The following IGSF21 variants were observed in gnomAD, a reference collection of about 807,000 sequenced individuals.
IGSF21 encodes the protein immunoglobin superfamily member 21.
In IGSF21, 28 loss-of-function variants were observed where a neutral mutation model predicts 46.8. The ratio of observed to expected loss-of-function variants is 0.60; its 90% confidence interval spans 0.44 to 0.82. The LOEUF (loss-of-function observed/expected upper bound fraction) is 0.82, where lower values mean the gene tolerates loss of function less well. Among genes scored for constraint, IGSF21 ranks in the 40% least tolerant of loss-of-function variants. IGSF21 has a pLI of 0.00. For missense variants in IGSF21, 624 were observed against 665.5 expected (o/e 0.94, Z 0.69); for synonymous variants, 284 against 273.6 (o/e 1.04, Z -0.38).
intron 2 of IGSF21, among the ~76,000 whole-genome samples, chr1:18,279,971 C>T (rs894845233): frequency 6.6e-6 from 1 of 152,320 alleles, no homozygotes; most frequent in Admixed American, 6.5e-5. Context: ...GGGCCCTCTC[C>T]GAGGACTGGC....
chr1:18,161,951 A>T (rs2086629830), intron 1 of IGSF21, among the ~76,000 whole-genome samples: 1 of 152,058 alleles, frequency 6.6e-6, no homozygotes, highest in African/African-American at 2.4e-5. Context: ...GGATCATCAT[A>T]CCCTTCCTAT....
At chr1:18,128,039 G>T (rs966869508) in intron 1 of IGSF21, among the ~76,000 whole-genome samples, 3 of 152,188 alleles carry the variant, frequency 2.0e-5, no homozygotes, top group Non-Finnish European at 4.4e-5. Context: ...CAAGGGAAGA[G>T]ATTAGTGATA....
intron 3 of IGSF21, among the ~76,000 whole-genome samples, chr1:18,323,620 A>C (rs2085627442): frequency 6.6e-6 from 1 of 152,056 alleles, no homozygotes; most frequent in African/African-American, 2.4e-5. Context: ...GAGGGGTCCC[A>C]GGCTCCCTGA....
intron 1 of IGSF21, among the ~76,000 whole-genome samples, chr1:18,225,980 T>C (rs2084562441): frequency 6.6e-6 from 1 of 152,176 alleles, no homozygotes; most frequent in African/African-American, 2.4e-5. Flanking sequence ...TCATAATAGT[T>C]CCTCTCTCCT....
chr1:18,299,701 T>A (rs559368129), intron 3 of IGSF21, among the ~76,000 whole-genome samples: 1 of 152,318 alleles, frequency 6.6e-6, no homozygotes, highest in African/African-American at 2.4e-5. Context: ...GGAAACCCGT[T>A]CCTCTCTCTC....
At chr1:18,324,773 G>A (rs562344233) in intron 3 of IGSF21, among the ~76,000 whole-genome samples, 44 of 152,230 alleles carry the variant, frequency 2.9e-4, no homozygotes, top group African/African-American at 9.6e-4. Flanking sequence ...CACCCCTCCC[G>A]GAGGAAGTGT....
chr1:18,359,371 A>G (rs182296314), intron 4 of IGSF21, among the ~76,000 whole-genome samples: 38 of 100,652 alleles, frequency 3.8e-4, no homozygotes, highest in African/African-American at 1.0e-3. Flanking sequence ...AGAAAGAAAG[A>G]AAGAAAGAAA....
At chr1:18,351,392 G>A (rs1225685796) in intron 4 of IGSF21, among the ~76,000 whole-genome samples, 1 of 152,206 alleles carries the variant, frequency 6.6e-6, no homozygotes, top group Non-Finnish European at 1.5e-5. Context: ...CTCGAGCCAG[G>A]TTTCCCAGGC....
At chr1:18,332,852 C>G (rs1351060695) in intron 3 of IGSF21, among the ~76,000 whole-genome samples, 1 of 152,154 alleles carries the variant, frequency 6.6e-6, no homozygotes, top group Admixed American at 6.5e-5. Context: ...GCTGGCTCAG[C>G]TCACTAAGAC....
intron 1 of IGSF21, among the ~76,000 whole-genome samples, chr1:18,175,000 C>T (rs1216860234): frequency 1.3e-5 from 2 of 152,192 alleles, no homozygotes; most frequent in Non-Finnish European, 1.5e-5. Context: ...CCGTTCACTG[C>T]CATCTTGCAG....
intron 1 of IGSF21, among the ~76,000 whole-genome samples, chr1:18,148,916 AAGTT>A (rs199949222): frequency 6.6e-6 from 1 of 152,306 alleles, no homozygotes; most frequent in East Asian, 1.9e-4. Context: ...CTGCACACAC[AAGTT>A]AGTGTCTTAT....
intron 2 of IGSF21, among the ~76,000 whole-genome samples, chr1:18,254,946 G>C (rs1405506237): frequency 6.6e-6 from 1 of 152,132 alleles, no homozygotes; most frequent in Non-Finnish European, 1.5e-5. Flanking sequence ...CTTACACTGG[G>C]CCCTCAGCAC....
chr1:18,228,130 G>T (rs2124506927), intron 2 of IGSF21, 120 bp downstream of exon 2: 1 of 730,730 alleles, frequency 1.4e-6, no homozygotes, highest in African/African-American at 1.7e-5. Context: ...GTCCTGAGTT[G>T]TCCTGGGCAT....
chr1:18,258,290 T>C (rs2084910440), intron 2 of IGSF21, among the ~76,000 whole-genome samples: 1 of 152,226 alleles, frequency 6.6e-6, no homozygotes. Context: ...TCTACCACCC[T>C]GCCTACTTCT....
intron 6 of IGSF21, among the ~76,000 whole-genome samples, chr1:18,374,734 A>C (rs2086263492): frequency 6.6e-6 from 1 of 152,150 alleles, no homozygotes; most frequent in South Asian, 2.1e-4. Context: ...GGCCACCCAC[A>C]TCTGCCAACT....
At chr1:18,131,441 C>A (rs1217547743) in intron 1 of IGSF21, among the ~76,000 whole-genome samples, 1 of 152,214 alleles carries the variant, frequency 6.6e-6, no homozygotes, top group African/African-American at 2.4e-5. Context: ...TGATGCTGGG[C>A]AAGTTACTTC....
chr1:18,171,055 G>T (rs2086731809), intron 1 of IGSF21, among the ~76,000 whole-genome samples: 1 of 151,812 alleles, frequency 6.6e-6, no homozygotes, highest in African/African-American at 2.4e-5. Flanking sequence ...AAGGACCTGG[G>T]AGTGAGACTA....
chr1:18,132,222 CCA>C (rs2086328086), intron 1 of IGSF21, among the ~76,000 whole-genome samples: 1 of 151,998 alleles, frequency 6.6e-6, no homozygotes, highest in East Asian at 1.9e-4. Context: ...GTAAACCAAA[CCA>C]CACTGACCTA....
At chr1:18,240,098 C>A (rs2084712247) in intron 2 of IGSF21, among the ~76,000 whole-genome samples, 1 of 152,110 alleles carries the variant, frequency 6.6e-6, no homozygotes, top group Non-Finnish European at 1.5e-5. Flanking sequence ...GGCAACCTGA[C>A]AAAACCCCAT....
Sources: gnomAD v4.1 joint callset for allele counts (sites outside exome capture counted in the v4.1 genomes callset) on GRCh38, gnomAD v4.1.1 for gene constraint, MANE v1.5 for transcripts, NCBI Gene and HGNC (gene_info 2026-07-23, HGNC 2026-07-21) for gene names.